The following CACNA1I variants were observed in gnomAD, a reference collection of about 807,000 sequenced individuals.
The protein encoded by CACNA1I is voltage-dependent T-type calcium channel subunit alpha-1I.
CACNA1I carries 74 observed loss-of-function variants against 201.6 expected under a neutral mutation model. That is an observed-to-expected ratio of 0.37 (90% confidence interval 0.30 to 0.45). CACNA1I has a LOEUF of 0.45. Ranked by LOEUF, CACNA1I falls within the 20% of genes least tolerant of loss-of-function variation. The probability of loss-of-function intolerance (pLI) is 1.00; values close to 1 mark genes in which losing one functional copy is unlikely to be tolerated. For synonymous variants in CACNA1I, 1,431 were observed against 1,345.2 expected (o/e 1.06, Z -1.40); for missense variants, 2,346 against 3,138.1 (o/e 0.75, Z 6.03).
intron 5 of CACNA1I, among the ~76,000 whole-genome samples, chr22:39,637,155 C>T (rs796724068): frequency 4.5e-4 from 68 of 152,284 alleles, no homozygotes; most frequent in African/African-American, 1.5e-3. Context: ...TTGGCCACTG[C>T]CCTCTGTACT....
Position 39,635,480 on chromosome 22 carries a change from G to T in CACNA1I, c.740+756G>T, listed in dbSNP as rs879596565. Among the ~76,000 whole-genome samples, 8 of 152,320 alleles carry T rather than the reference G, an allele frequency of 5.3e-5. No homozygotes were observed. The East Asian group carries it at 1.5e-3, about 29-fold the overall frequency. On this transcript the variant is annotated intron_variant, in intron 5 of 36. Coordinates refer to ENST00000402142, the MANE Select transcript of CACNA1I (RefSeq NM_021096.4). Reference sequence around the variant, plus strand: ...CGTGGGGACGTGGGGACACTGTACAGGTGAGGGCTAGTTTCTCCCTCCCGG... The same window carrying T: ...CGTGGGGACGTGGGGACACTGTACATGTGAGGGCTAGTTTCTCCCTCCCGG...
At chr22:39,582,411 G>A (rs961717909) in intron 1 of CACNA1I, among the ~76,000 whole-genome samples, 9 of 152,068 alleles carry the variant, frequency 5.9e-5, no homozygotes, top group African/African-American at 2.2e-4. Flanking sequence ...GTGGGTAAAG[G>A]CCAAGTACAC....
intron 1 of CACNA1I, among the ~76,000 whole-genome samples, chr22:39,576,589 G>A (rs1932363083): frequency 6.6e-6 from 1 of 152,252 alleles, no homozygotes; most frequent in East Asian, 1.9e-4. Flanking sequence ...CTGCTGTGGT[G>A]GGAAGCAGTG....
chr22:39,649,361 C>T lies in CACNA1I; in HGVS notation c.1568-140C>T, dbSNP rs952648391. 5.8e-6 allele frequency: 5 copies of T among 860,944 alleles called. No individual in the cohort carries two copies. The highest frequency in any genetic ancestry group is 8.6e-6 in the Non-Finnish European group (5 of 580,162). 53.3% of individuals were successfully genotyped at this position (860,944 alleles called of 1,614,324 possible). ...GCTGCAGCCGCTTCCCCAGGCACCC[C>T]TGACCGCCTTTCCAGGCTGGGTCGG... On this transcript the variant is annotated intron_variant, in intron 9 of 36. Transcript: ENST00000402142. This position sits in a 1 kb window ranked among gnomAD's most constrained non-coding sequence, Gnocchi z 7.3.
At chr22:39,660,527 A>G (rs1934973527) in intron 15 of CACNA1I, 90 bp downstream of exon 15, 1 of 782,526 alleles carries the variant, frequency 1.3e-6, no homozygotes, top group African/African-American at 1.8e-5. Context: ...ACTCCACCTC[A>G]AGCCCAGGCT....
rs539422838 is a variant in CACNA1I at position 39,666,307 on chromosome 22, C to G, written c.4104+301C>G. Among the ~76,000 whole-genome samples, 10 of 151,964 alleles carry G rather than the reference C, an allele frequency of 6.6e-5. No individual in the cohort carries two copies. The highest frequency in any genetic ancestry group is 1.3e-4 in the Non-Finnish European group (9 of 67,974). On this transcript the variant is annotated intron_variant, in intron 23 of 36. Transcript: ENST00000402142. This position sits in a 1 kb window ranked among gnomAD's most constrained non-coding sequence, Gnocchi z 4.1. The stretch of plus-strand genomic sequence containing the variant: ...GGACCCCTGACAGGAGTTTTAGAAT[C>G]AAGCAGTCCTGGAGGTGAATCCAGC...
At chr22:39,652,734 G>A (rs1048067253) in intron 10 of CACNA1I, among the ~76,000 whole-genome samples, 15 of 152,098 alleles carry the variant, frequency 9.9e-5, no homozygotes, top group Admixed American at 7.2e-4. Flanking sequence ...GTGGGACCCC[G>A]TCTCTGCAAA....
At chr22:39,653,289 G>A (rs1360696865) in intron 10 of CACNA1I, among the ~76,000 whole-genome samples, 2 of 152,190 alleles carry the variant, frequency 1.3e-5, no homozygotes. Flanking sequence ...AAAAATTAAA[G>A]TAAGAGGGGG....
At chr22:39,635,091 A>T (rs1204575349) in intron 5 of CACNA1I, among the ~76,000 whole-genome samples, 1 of 152,008 alleles carries the variant, frequency 6.6e-6, no homozygotes, top group African/African-American at 2.4e-5. Context: ...ATCTTGGAGG[A>T]GCTGGGCTTA....
rs1330890328 is a variant in CACNA1I, at chr22:39,570,920, T to C, written c.168T>C (p.Pro56=). The C allele has an allele frequency of 6.2e-7, 1 of 1,613,648 alleles. No individual in the cohort carries two copies. Among genetic ancestry groups the C allele is most frequent in the Non-Finnish European group, 8.5e-7 (1 of 1,179,842 alleles). The change falls in exon 1 of 37, where the codon CCT becomes CCC. Residue 56 remains proline (P), a synonymous_variant. Coordinates refer to ENST00000402142, the MANE Select transcript of CACNA1I (RefSeq NM_021096.4). ...ATGTCCCACACCCAGACCTGGCGCCTATTGCCTTCTTCTGCCTGCGACAGA... is the reference window on the plus strand; with the variant it reads ...ATGTCCCACACCCAGACCTGGCGCCCATTGCCTTCTTCTGCCTGCGACAGA... ...DPHVPHPDLA[P]IAFFCLRQTT... is the part of the protein sequence containing the mutation.
In CACNA1I at chr22:39,677,352, G is replaced by A; in HGVS notation, c.4866G>A (p.Leu1622=). The A allele has an allele frequency of 6.3e-7, 1 of 1,597,154 alleles. No individual in the cohort carries two copies. The highest frequency in any genetic ancestry group is 8.5e-7 in the Non-Finnish European group (1 of 1,174,678). The change falls in exon 30 of 37, where the codon CTG becomes CTA. Residue 1622 remains leucine (L), a synonymous_variant. Transcript: ENST00000402142. This position sits in a 1 kb window ranked among gnomAD's most constrained non-coding sequence, Gnocchi z 4.8. ...VVQALPQVGN[L]GLLFMLLFFI... ...CTGTCCTCCCGCAGGTGGGCAACCTGGGCCTCCTCTTCATGCTGCTCTTCT... is the reference window on the plus strand; with the variant it reads ...CTGTCCTCCCGCAGGTGGGCAACCTAGGCCTCCTCTTCATGCTGCTCTTCT...
At chr22:39,579,527 T>G (rs1932480013) in intron 1 of CACNA1I, among the ~76,000 whole-genome samples, 1 of 152,156 alleles carries the variant, frequency 6.6e-6, no homozygotes, top group Non-Finnish European at 1.5e-5. Flanking sequence ...GTACAAGAAG[T>G]GTGATGCCAG....
chr22:39,671,286 C>G (rs965725937), intron 26 of CACNA1I, among the ~76,000 whole-genome samples: 1 of 152,146 alleles, frequency 6.6e-6, no homozygotes, highest in African/African-American at 2.4e-5. Flanking sequence ...CTCTTTAATC[C>G]TCGCAGCAAT....
intron 1 of CACNA1I, among the ~76,000 whole-genome samples, chr22:39,583,396 CCATTCATCCACCCATTT>C (rs1370382860): frequency 1.4e-5 from 2 of 147,064 alleles, no homozygotes; most frequent in Non-Finnish European, 1.5e-5. Flanking sequence ...ATCCATCCAT[CCATTCATCCACCCATTT>C]AGCCATCCAT....
chr22:39,684,787 AGAG>A lies in CACNA1I; in HGVS notation c.6027+299_6027+301del, dbSNP rs1443284975. The A allele has an allele frequency of 1.5e-5, 9 of 581,786 alleles. No individual in the cohort carries two copies. Among genetic ancestry groups the A allele is most frequent in the African/African-American group, 5.7e-5 (3 of 52,754 alleles). 36.0% of individuals were successfully genotyped at this position (581,786 alleles called of 1,614,324 possible). ...ATCCCTAGCTTGAGGGGAGGGGAGG[AGAG>A]GAGGAGGAGTACTGGAGGTTTTGCA... On this transcript the variant is annotated intron_variant, in intron 36 of 36. Transcript: ENST00000402142. This position sits in a 1 kb window ranked among gnomAD's most constrained non-coding sequence, Gnocchi z 4.6.
chr22:39,660,312 C>T, intron 14 of CACNA1I, 32 bp from the exon 15 acceptor site: 1 of 1,558,278 alleles, frequency 6.4e-7, no homozygotes, highest in Admixed American at 1.7e-5. Flanking sequence ...GCTGGACTGA[C>T]CTGCATTCTA....
At chr22:39,600,259 C>T (rs1076614) in intron 2 of CACNA1I, among the ~76,000 whole-genome samples, 72,082 of 151,960 alleles carry the variant, frequency 0.47, 18,017 homozygotes, top group African/African-American at 0.56. Context: ...TATCTGTTCC[C>T]AGGCTTAGGG....
At chr22:39,578,633 G>C (rs1932440878) in intron 1 of CACNA1I, among the ~76,000 whole-genome samples, 1 of 151,800 alleles carries the variant, frequency 6.6e-6, no homozygotes, top group Non-Finnish European at 1.5e-5. Flanking sequence ...TTTGTCTGCT[G>C]TCAAGTGCTG....
intron 1 of CACNA1I, among the ~76,000 whole-genome samples, chr22:39,592,092 T>A (rs1321203758): frequency 6.6e-6 from 1 of 152,204 alleles, no homozygotes; most frequent in Non-Finnish European, 1.5e-5. Context: ...GCCCAGGCTG[T>A]GCTGAGGCGC....
Sources: allele counts gnomAD v4.1 joint callset (sites outside exome capture counted in the v4.1 genomes callset), GRCh38; gene constraint gnomAD v4.1.1; non-coding constraint Gnocchi (gnomAD v3.1); transcripts MANE v1.5; gene names NCBI Gene and HGNC (gene_info 2026-07-23, HGNC 2026-07-21).